The following MTF1 variants were observed in gnomAD, a reference collection of about 807,000 sequenced individuals.
MTF1 encodes the protein MRE-binding transcription factor.
A neutral mutation model predicts 70.4 loss-of-function variants in MTF1; 22 were observed. That is an observed-to-expected ratio of 0.31 (90% CI 0.22 to 0.45). The LOEUF (loss-of-function observed/expected upper bound fraction) is 0.45. Ranked by LOEUF, MTF1 falls within the 20% of genes least tolerant of loss-of-function variation. The probability of loss-of-function intolerance (pLI) is 1.00; values close to 1 mark genes in which losing one functional copy is unlikely to be tolerated. For synonymous variants in MTF1, 333 were observed against 352.8 expected (o/e 0.94, Z 0.63); for missense variants, 649 against 922.0 (o/e 0.70, Z 3.83).
At chr1:37,823,687 T>C (rs1490364644) in intron 8 of MTF1, 23 bp downstream of exon 8, 3 of 1,561,880 alleles carry the variant, frequency 1.9e-6, no homozygotes, top group East Asian at 2.2e-5. Flanking sequence ...TAGATGTGAG[T>C]AGAAAGAGTC....
intron 2 of MTF1, among the ~76,000 whole-genome samples, chr1:37,847,314 T>A (rs1479395621): frequency 6.6e-6 from 1 of 152,208 alleles, no homozygotes; most frequent in East Asian, 1.9e-4. Flanking sequence ...TCAGTTCAAA[T>A]CTCGGTTCTA....
At chr1:37,837,472 C>T (rs1641187275) in intron 4 of MTF1, among the ~76,000 whole-genome samples, 1 of 151,904 alleles carries the variant, frequency 6.6e-6, no homozygotes, top group African/African-American at 2.4e-5. Context: ...TTGAATATCC[C>T]CTGCCAAAAT....
At chr1:37,847,246 T>A (rs1208841589) in intron 2 of MTF1, among the ~76,000 whole-genome samples, 1 of 152,182 alleles carries the variant, frequency 6.6e-6, no homozygotes, top group African/African-American at 2.4e-5. Context: ...GATTCTTGTA[T>A]CTTTGCAAAA....
chr1:37,827,303 AC>A (rs1641016649), intron 7 of MTF1, among the ~76,000 whole-genome samples: 2 of 151,128 alleles, frequency 1.3e-5, no homozygotes, highest in African/African-American at 4.9e-5. Context: ...AACAACTACC[AC>A]TGAGCATAAG....
chr1:37,821,079 G>A (rs924704430), intron 9 of MTF1, among the ~76,000 whole-genome samples: 2 of 152,004 alleles, frequency 1.3e-5, no homozygotes, highest in Non-Finnish European at 2.9e-5. Flanking sequence ...AGGAAGCTAA[G>A]GTGGGAAGAT....
intron 8 of MTF1, among the ~76,000 whole-genome samples, 161 bp downstream of exon 8, chr1:37,823,549 G>A (rs1331820113): frequency 6.6e-6 from 1 of 152,184 alleles, no homozygotes; most frequent in Admixed American, 6.5e-5. Context: ...CAGGACTGAG[G>A]GAAGTAGGGG....
chr1:37,828,362 T>C (rs1569857425), intron 7 of MTF1: 2 of 336,382 alleles, frequency 5.9e-6, no homozygotes, highest in East Asian at 2.0e-4. Context: ...TGGAGTGCAA[T>C]GGCACGATTT....
chr1:37,813,846 A>G lies in MTF1; in HGVS notation c.*1290T>C, dbSNP rs1483851737. 4 of 152,706 alleles carry G rather than the reference A, an allele frequency of 2.6e-5. No individual in the cohort carries two copies. The highest frequency in any genetic ancestry group is 9.6e-5 in the African/African-American group (4 of 41,478). The allele number at this position is 152,706 out of a possible 1,614,324, so 9.5% of individuals were successfully genotyped here. A position where few individuals can be genotyped will look rare whatever the true frequency, so the allele number is the denominator to read the frequency against. ...AAGGCAGACATATGGATATAATTCTATAACACACACACACAATTTTTTCCT... is the reference window on the plus strand; with the variant it reads ...AAGGCAGACATATGGATATAATTCTGTAACACACACACACAATTTTTTCCT... On this transcript the variant is annotated 3_prime_UTR_variant, in exon 11 of 11. Transcript: ENST00000373036.
intron 6 of MTF1, among the ~76,000 whole-genome samples, chr1:37,833,481 C>T (rs1465496337): frequency 6.6e-6 from 1 of 152,194 alleles, no homozygotes; most frequent in Non-Finnish European, 1.5e-5. Context: ...TCACAATTCA[C>T]ACTTTAGGTG....
intron 2 of MTF1, among the ~76,000 whole-genome samples, chr1:37,844,868 T>C (rs1008938683): frequency 2.6e-5 from 4 of 152,230 alleles, no homozygotes; most frequent in African/African-American, 7.2e-5. Flanking sequence ...CAGACTAGAA[T>C]AGGCATCCTA....
chr1:37,858,028 A>G (rs1289542992), intron 1 of MTF1, among the ~76,000 whole-genome samples: 7 of 151,680 alleles, frequency 4.6e-5, no homozygotes, highest in African/African-American at 1.5e-4. Flanking sequence ...AAAAAAAAAA[A>G]AAAGAAAAAG....
chr1:37,838,813 T>TTTTTTTTTTTTTTTTTTTTTG, intron 3 of MTF1, 57 bp from the exon 4 acceptor site: 1 of 1,245,484 alleles, frequency 8.0e-7, no homozygotes, highest in Non-Finnish European at 1.1e-6. Flanking sequence ...TTTTTTTTTT[T>TTTTTTTTTTTTTTTTTTTTTG]TTTTTTCTGA....
intron 2 of MTF1, among the ~76,000 whole-genome samples, chr1:37,842,733 T>C (rs1311416308): frequency 1.3e-5 from 2 of 152,172 alleles, no homozygotes; most frequent in Non-Finnish European, 2.9e-5. Flanking sequence ...TTTTTTTTTT[T>C]GTTTGAGACA....
At chr1:37,818,468 G>T (rs1640854035) in intron 9 of MTF1, among the ~76,000 whole-genome samples, 1 of 152,136 alleles carries the variant, frequency 6.6e-6, no homozygotes, top group Non-Finnish European at 1.5e-5. Context: ...ACTTTGGGAA[G>T]CCGAGGCGGG....
chr1:37,817,157 C>T (rs1209236568), intron 10 of MTF1, among the ~76,000 whole-genome samples: 2 of 152,146 alleles, frequency 1.3e-5, no homozygotes, highest in Non-Finnish European at 2.9e-5. Flanking sequence ...TTTTTTCTGG[C>T]TACATTTTAA....
chr1:37,824,901 AG>A (rs1264262765), intron 7 of MTF1, among the ~76,000 whole-genome samples: 14 of 152,124 alleles, frequency 9.2e-5, no homozygotes, highest in Non-Finnish European at 1.6e-4. Context: ...GTAAAATGTG[AG>A]GGGGGAGACC....
intron 7 of MTF1, among the ~76,000 whole-genome samples, chr1:37,831,012 C>A (rs1041751220): frequency 6.6e-6 from 1 of 152,202 alleles, no homozygotes; most frequent in Non-Finnish European, 1.5e-5. Context: ...AGTTTGGCTG[C>A]CTCGTTGGGT....
Position 37,840,176 on chromosome 1 carries a change from C to T in MTF1, c.409-18G>A, listed in dbSNP as rs769811293. The T allele has an allele frequency of 1.9e-6, 3 of 1,611,344 alleles. No homozygotes were observed. Among genetic ancestry groups the T allele is most frequent in the South Asian group, 1.1e-5 (1 of 90,968 alleles). On this transcript the variant is annotated intron_variant, in intron 2 of 10. Coordinates refer to ENST00000373036, the MANE Select transcript of MTF1 (RefSeq NM_005955.3). The surrounding 1 kb of genome is among the most constrained non-coding windows in gnomAD (Gnocchi z 4.5). ...CGCTTTACCTGGCAGAGAAAAGATA[C>T]CTCATCAACAGGACAAAAATGCTGC...
chr1:37,824,987 AG>A (rs1485432803), intron 7 of MTF1, among the ~76,000 whole-genome samples: 1 of 152,122 alleles, frequency 6.6e-6, no homozygotes, highest in Non-Finnish European at 1.5e-5. Flanking sequence ...AGTTCAGGGA[AG>A]GGGAAAGACT....
Sources: gnomAD v4.1 joint callset for allele counts (sites outside exome capture counted in the v4.1 genomes callset) on GRCh38, gnomAD v4.1.1 for gene constraint, Gnocchi (gnomAD v3.1) non-coding constraint, MANE v1.5 for transcripts, NCBI Gene and HGNC (gene_info 2026-07-23, HGNC 2026-07-21) for gene names.